The following TRPV3 variants were observed in gnomAD, a reference collection of about 807,000 sequenced individuals.
TRPV3 encodes the protein transient receptor potential cation channel subfamily V member 3.
Under a neutral mutation model 87.1 loss-of-function variants are expected in TRPV3, and 88 were observed. The observed-to-expected ratio is 1.01, with a 90% CI of 0.85 to 1.21. The LOEUF (loss-of-function observed/expected upper bound fraction) is 1.21. TRPV3 is among the 50% of genes most tolerant of loss of function. TRPV3 has a pLI of 0.00. For synonymous variants in TRPV3, 438 were observed against 423.3 expected (o/e 1.03, Z -0.43); for missense variants, 1,054 against 1,030.1 (o/e 1.02, Z -0.32).
chr17:3,554,166 A>T (rs576896571), intron 2 of TRPV3: 1 of 152,764 alleles, frequency 6.5e-6, no homozygotes, highest in Admixed American at 6.5e-5. Flanking sequence ...AAACACTCTC[A>T]ATGCCAACAC....
chr17:3,524,216 G>A lies in TRPV3; in HGVS notation c.1725C>T (p.Tyr575=), dbSNP rs762769321. The A allele has an allele frequency of 4.3e-6, 7 of 1,614,076 alleles. No individual in the cohort carries two copies. The African/African-American group carries it at 9.3e-5, about 22-fold the overall frequency. The change falls in exon 13 of 18, where the codon TAC becomes TAT. Residue 575 remains tyrosine (Y), a synonymous_variant. Transcript: ENST00000576742. ...AACGCACCTTCTGGATCATGACGCT[G>A]TACATGCCCATGGACTGGAAACCCC... ...YTRGFQSMGM[Y]SVMIQKVILH...
At chr17:3,545,332 C>G in intron 2 of TRPV3, 61 bp from the exon 3 acceptor site, 1 of 1,307,428 alleles carries the variant, frequency 7.6e-7, no homozygotes, top group Non-Finnish European at 1.1e-6. Flanking sequence ...CTGCCTGTGT[C>G]CTGCCTCCTG....
At chr17:3,538,040 T>C (rs2074424089) in intron 6 of TRPV3, among the ~76,000 whole-genome samples, 1 of 149,876 alleles carries the variant, frequency 6.7e-6, no homozygotes, top group South Asian at 2.1e-4. Flanking sequence ...CTACTAAAAA[T>C]ACAAAAAATT....
chr17:3,531,304 G>A (rs992580529), intron 8 of TRPV3, among the ~76,000 whole-genome samples: 1 of 152,166 alleles, frequency 6.6e-6, no homozygotes, highest in Admixed American at 6.5e-5. Context: ...AAGAGGAAGG[G>A]ACTGTTGGGA....
In TRPV3 at chr17:3,530,296, T is replaced by G; in HGVS notation, c.1066-93A>C. On this transcript the variant is annotated intron_variant, in intron 8 of 17. Transcript: ENST00000576742. The surrounding 1 kb of genome is among the most constrained non-coding windows in gnomAD (Gnocchi z 4.0). ...CCAGAGGCTGGCTGGGCCCAGGGGA[T>G]ACACCCGCCCAGAATGGGTGGAGAC... is the stretch of plus-strand genomic sequence containing the variant. 1 of 1,324,304 alleles carries G rather than the reference T, an allele frequency of 7.6e-7. No homozygotes were observed. The highest frequency in any genetic ancestry group is 1.0e-6 in the Non-Finnish European group (1 of 969,790). 82.0% of individuals were successfully genotyped at this position (1,324,304 alleles called of 1,614,324 possible).
chr17:3,528,333 C>A lies in TRPV3; in HGVS notation c.1402-207G>T, dbSNP rs566250171. On this transcript the variant is annotated intron_variant, in intron 10 of 17. Transcript: ENST00000576742. The surrounding 1 kb of genome is among the most constrained non-coding windows in gnomAD (Gnocchi z 4.2). ...TTGATGGAAACCCAGAACTCTACAA[C>A]GAAGAATATCATCCAATCCGTGCTA... Among the ~76,000 whole-genome samples, 2 of 152,300 alleles carry A rather than the reference C, an allele frequency of 1.3e-5. No individual in the cohort carries two copies. The highest frequency in any genetic ancestry group is 4.1e-4 in the South Asian group (2 of 4,832).
At chr17:3,527,056 G>C (rs763018800) in intron 11 of TRPV3, 129 bp from the exon 12 acceptor site, 2 of 722,150 alleles carry the variant, frequency 2.8e-6, no homozygotes, top group Non-Finnish European at 4.8e-6. Flanking sequence ...CTAGAGTCCA[G>C]GTGGCGGATC....
At position 3,524,261 on chromosome 17, in the gene TRPV3, C is replaced by T. The variant is rs371090552; in HGVS notation, c.1680G>A (p.Ala560=). The T allele has an allele frequency of 1.0e-4, 168 of 1,614,248 alleles. No homozygotes were observed. The highest frequency in any genetic ancestry group is 3.5e-4 in the Admixed American group (21 of 60,024). The change falls in exon 13 of 18, where the codon GCG becomes GCA. Residue 560 remains alanine, a synonymous_variant. Coordinates refer to ENST00000576742, the MANE Select transcript of TRPV3 (RefSeq NM_145068.4). ...CLVLAMALGW[A]NMLYYTRGFQ... is the part of the protein sequence containing the mutation. Reference sequence around the variant, plus strand: ...AACCCCGCGTATAGTAGAGCATGTTCGCCCAGCCCAGGGCCATGGCCAGCA... The same window carrying T: ...AACCCCGCGTATAGTAGAGCATGTTTGCCCAGCCCAGGGCCATGGCCAGCA...
chr17:3,542,665 G>A lies in TRPV3; in HGVS notation c.500C>T (p.Thr167Met), dbSNP rs755746854. Residue 167 changes from threonine (T) to methionine (M), a missense_variant, in exon 6 of 18, where the codon ACG (threonine) becomes ATG (methionine). Physicochemically the swap from Thr to Met is moderately conservative, Grantham distance 81. Transcript: ENST00000576742. ...GGCCTTCATCAGGCAGGTCTTCCCC[G>A]TGTCGGAGGCCGTCAGCTTGTGCAT... Reference protein sequence around the residue: ...FLMHKLTASDTGKTCLMKALL... With the variant: ...FLMHKLTASDMGKTCLMKALL... The A allele has an allele frequency of 2.5e-5, 40 of 1,613,920 alleles. No individual in the cohort carries two copies. In the East Asian group the frequency reaches 4.5e-4, roughly 18 times the overall value.
chr17:3,526,934 C>T lies in TRPV3; in HGVS notation c.1504-7G>A. 6.2e-7 allele frequency: 1 copy of T among 1,608,968 alleles called. No individual in the cohort carries two copies. Among genetic ancestry groups the T allele is most frequent in the African/African-American group, 1.3e-5 (1 of 74,980 alleles). On this transcript the variant is annotated splice_region_variant and splice_polypyrimidine_tract_variant and intron_variant, in intron 11 of 17. Coordinates refer to ENST00000576742, the MANE Select transcript of TRPV3 (RefSeq NM_145068.4). ...GCAGGAAGATGGCAATGCCCTAAGG[C>T]CAGGAAGGAAAGAAACAGTGCACCC... is the stretch of plus-strand genomic sequence containing the variant.
In TRPV3 at chr17:3,528,090, C is replaced by T. The variant is rs777227041; in HGVS notation, c.1438G>A (p.Gly480Arg). Residue 480 changes from glycine to arginine, a missense_variant, in exon 11 of 18, where the codon GGG (glycine) becomes AGG (arginine). Transcript: ENST00000576742. The surrounding 1 kb of genome is among the most constrained non-coding windows in gnomAD (Gnocchi z 4.2). Reference sequence around the variant, plus strand: ...ATCCTCCCTAGGAGCTGCAGCCACCCCATCTTGTGCGTCAGGGCCAAGGGG... The same window carrying T: ...ATCCTCCCTAGGAGCTGCAGCCACCTCATCTTGTGCGTCAGGGCCAAGGGG... ...PHPLALTHKM[G>R]WLQLLGRMFV... is the part of the protein sequence containing the mutation. The T allele has an allele frequency of 5.0e-6, 8 of 1,613,470 alleles. No homozygotes were observed. The African/African-American group carries it at 9.3e-5, about 19-fold the overall frequency.
At chr17:3,515,387 A>C (rs534440538) in intron 16 of TRPV3, among the ~76,000 whole-genome samples, 1 of 152,218 alleles carries the variant, frequency 6.6e-6, no homozygotes, top group East Asian at 1.9e-4. Context: ...GGGGCCGGGC[A>C]CCGTGGCTCA....
rs779314465 is a variant in TRPV3, at chr17:3,516,540, T to G, written c.2115A>C (p.Lys705Asn). 2 of 1,613,952 alleles carry G rather than the reference T, an allele frequency of 1.2e-6. No individual in the cohort carries two copies. The highest frequency in any genetic ancestry group is 1.7e-6 in the Non-Finnish European group (2 of 1,180,004). Reference sequence around the variant, plus strand: ...TGCTCCTCAGCCATTCTGGTAACATTTTCTCAAACTCCAAGATGGTCCTGG... The same window carrying G: ...TGCTCCTCAGCCATTCTGGTAACATGTTCTCAAACTCCAAGATGGTCCTGG... Reference protein sequence around the residue: ...QRARTILEFEKMLPEWLRSRF... With the variant: ...QRARTILEFENMLPEWLRSRF... Residue 705 changes from lysine to asparagine, a missense_variant, in exon 16 of 18, where the codon AAA (lysine) becomes AAC (asparagine). Lys to Asn is a moderately conservative substitution (Grantham distance 94, BLOSUM62 0). Transcript: ENST00000576742.
Position 3,543,575 on chromosome 17 carries a change from C to T in TRPV3, c.365G>A (p.Arg122His), listed in dbSNP as rs771754404. 25 of 1,614,024 alleles carry T rather than the reference C, an allele frequency of 1.5e-5. No individual in the cohort carries two copies. The highest frequency in any genetic ancestry group is 6.7e-5 in the African/African-American group (5 of 74,952). ...QRRKKRRLKK[R>H]IFAAVSEGCV... The stretch of plus-strand genomic sequence containing the variant: ...GCCCTCAGACACGGCTGCAAAGATG[C>T]GCTTCTTCAGCCGCCTCTTTTTCCT... Residue 122 changes from arginine to histidine, a missense_variant, in exon 5 of 18, where the codon CGC becomes CAC. Coordinates refer to ENST00000576742, the MANE Select transcript of TRPV3 (RefSeq NM_145068.4).
chr17:3,542,468 C>A, intron 6 of TRPV3, 54 bp downstream of exon 6: 1 of 1,577,224 alleles, frequency 6.3e-7, no homozygotes, highest in Admixed American at 1.8e-5. Flanking sequence ...CCTGTGGCCC[C>A]ATACCCCACC....
chr17:3,541,962 C>A (rs1279207876), intron 6 of TRPV3, among the ~76,000 whole-genome samples: 3 of 151,818 alleles, frequency 2.0e-5, no homozygotes, highest in Non-Finnish European at 2.9e-5. Flanking sequence ...TCTGTCTTTA[C>A]TTATTTATTT....
At chr17:3,527,688 T>G in intron 11 of TRPV3, 1 of 362,058 alleles carries the variant, frequency 2.8e-6, no homozygotes, top group Non-Finnish European at 5.2e-6. Flanking sequence ...TAAGGATGAG[T>G]GGACATGTGA....
intron 17 of TRPV3, 80 bp downstream of exon 17, chr17:3,514,513 A>G: frequency 1.0e-6 from 1 of 1,000,688 alleles, no homozygotes; most frequent in Non-Finnish European, 1.6e-6. Flanking sequence ...GGGGAAAGTC[A>G]GGACCCTTAG....
At chr17:3,535,876 A>T (rs928906303) in intron 6 of TRPV3, among the ~76,000 whole-genome samples, 163 bp from the exon 7 acceptor site, 1 of 152,154 alleles carries the variant, frequency 6.6e-6, no homozygotes, top group South Asian at 2.1e-4. Context: ...TGCTTCCTTC[A>T]TGCCTGCGCG....
Sources: allele counts gnomAD v4.1 joint callset (sites outside exome capture counted in the v4.1 genomes callset), GRCh38; gene constraint gnomAD v4.1.1; non-coding constraint Gnocchi (gnomAD v3.1); transcripts MANE v1.5; gene names NCBI Gene and HGNC (gene_info 2026-07-23, HGNC 2026-07-21).